Variants in ADCY7 observed in about 807,000 individuals in gnomAD.
ADCY7 encodes the protein adenylate cyclase 7.
In ADCY7, 72 loss-of-function variants were observed where a neutral mutation model predicts 120.6. The ratio of observed to expected loss-of-function variants is 0.60; its 90% confidence interval spans 0.49 to 0.73. The LOEUF is 0.73. Ranked by LOEUF, ADCY7 falls within the 30% of genes least tolerant of loss-of-function variation. The pLI is 0.00. For synonymous variants in ADCY7, 661 were observed against 628.0 expected, an observed-to-expected ratio of 1.05 and a Z score of -0.78; for missense variants, 1,227 against 1,486.0, an observed-to-expected ratio of 0.83 and a Z score of 2.87.
In ADCY7 at chr16:50,314,061, A is replaced by C. The variant is rs1313747148; in HGVS notation, c.2855A>C (p.Gln952Pro). The change falls in exon 23 of 26, where the codon CAG becomes CCG. Residue 952 changes from glutamine to proline, a missense_variant and splice_region_variant. By Grantham distance (76) the Gln-to-Pro change is moderately conservative. Coordinates refer to ENST00000673801, the MANE Select transcript of ADCY7 (RefSeq NM_001114.5). ...AGCGTCGCCTCAGGGCACGAGAACC[A>C]GGTACTCAAGCCCAAGAGGTGAAAT... ...GLSVASGHEN[Q>P]ELERQHAHIG... 6.2e-7 allele frequency: 1 copy of C among 1,613,402 alleles called. No individual in the cohort carries two copies. Among genetic ancestry groups the C allele is most frequent in the Non-Finnish European group, 8.5e-7 (1 of 1,179,422 alleles).
intron 1 of ADCY7, among the ~76,000 whole-genome samples, chr16:50,260,912 G>A (rs1008271211): frequency 2.6e-5 from 4 of 152,162 alleles, no homozygotes; most frequent in African/African-American, 4.8e-5. Context: ...TGGTTTCCAC[G>A]ATATTTTATT....
intron 18 of ADCY7, 193 bp from the exon 19 acceptor site, chr16:50,310,494 C>G (rs543890952): frequency 2.0e-6 from 3 of 1,537,090 alleles, no homozygotes; most frequent in African/African-American, 2.7e-5. Flanking sequence ...GAGCTCACTT[C>G]ATAAGAAATA....
At chr16:50,253,155 G>A (rs1207348735) in intron 1 of ADCY7, among the ~76,000 whole-genome samples, 3 of 152,296 alleles carry the variant, frequency 2.0e-5, no homozygotes, top group South Asian at 2.1e-4. Flanking sequence ...CAGCATTTTC[G>A]CAGTTAGAGA....
chr16:50,308,111 A>C (rs2036200277), intron 15 of ADCY7, among the ~76,000 whole-genome samples: 1 of 152,202 alleles, frequency 6.6e-6, no homozygotes, highest in African/African-American at 2.4e-5. Flanking sequence ...TTGGACCAAA[A>C]AGAGTGATAT....
chr16:50,312,940 G>A lies in ADCY7; in HGVS notation c.2655G>A (p.Val885=). 1.9e-6 allele frequency: 3 copies of A among 1,614,162 alleles called. No individual in the cohort carries two copies. The highest frequency in any genetic ancestry group is 1.7e-6 in the Non-Finnish European group (2 of 1,180,022). Residue 885 remains valine (V), a synonymous_variant, in exon 22 of 26, where the codon GTG becomes GTA. Transcript: ENST00000673801. The stretch of plus-strand genomic sequence containing the variant: ...GCGTCTGTGTCATGTTTGCCTCCGT[G>A]CCGGACTTCAAAGTGTTCTACACAG... ...YDCVCVMFAS[V]PDFKVFYTEC...
chr16:50,289,606 C>T (rs781554653), intron 2 of ADCY7, among the ~76,000 whole-genome samples: 5 of 152,236 alleles, frequency 3.3e-5, no homozygotes, highest in Non-Finnish European at 7.3e-5. Flanking sequence ...GCTGGGATTA[C>T]AGGCCCATGC....
intron 9 of ADCY7, 84 bp from the exon 10 acceptor site, chr16:50,300,998 C>T: frequency 1.9e-6 from 3 of 1,555,862 alleles, no homozygotes; most frequent in Non-Finnish European, 2.6e-6. Context: ...TGGCCTGGGG[C>T]CCAGGCCTGC....
In ADCY7 at chr16:50,311,807, C is replaced by CG. The variant is rs778423221; in HGVS notation, c.2448+21_2448+22insG. 5 of 1,332,908 alleles carry CG rather than the reference C, an allele frequency of 3.8e-6. 1 individual carries two copies. The highest frequency in any genetic ancestry group is 5.1e-6 in the Non-Finnish European group (5 of 980,350). 82.6% of individuals were successfully genotyped at this position (1,332,908 alleles called of 1,614,324 possible). On this transcript the variant is annotated intron_variant, in intron 20 of 25. Transcript: ENST00000673801. ...GACAGGTAAGGAGGCTGGCCCCCCCCCCCCCCCCAAGCTCTGCCCACTTTT... is the reference window on the plus strand; with the variant it reads ...GACAGGTAAGGAGGCTGGCCCCCCCCGCCCCCCCCAAGCTCTGCCCACTTTT...
At chr16:50,298,241 C>A (rs66470361) in intron 7 of ADCY7, among the ~76,000 whole-genome samples, 1 of 151,896 alleles carries the variant, frequency 6.6e-6, no homozygotes, top group Admixed American at 6.5e-5. Context: ...CCTCACCCCC[C>A]ACTCCTGCAG....
At chr16:50,290,242 C>T (rs546233610) in intron 2 of ADCY7, among the ~76,000 whole-genome samples, 6 of 152,306 alleles carry the variant, frequency 3.9e-5, no homozygotes, top group Non-Finnish European at 7.3e-5. Context: ...GGGTGATGCT[C>T]TGGTTCCCGA....
intron 7 of ADCY7, among the ~76,000 whole-genome samples, chr16:50,296,568 G>A (rs2035367677): frequency 6.6e-6 from 1 of 152,074 alleles, no homozygotes; most frequent in African/African-American, 2.4e-5. Context: ...ATGTTAGCCA[G>A]GATGGTCTTG....
intron 10 of ADCY7, among the ~76,000 whole-genome samples, chr16:50,303,042 G>C (rs1457059270): frequency 6.6e-6 from 1 of 152,262 alleles, no homozygotes; most frequent in African/African-American, 2.4e-5. Context: ...TGTTTGCTCA[G>C]AACTGAGGAA....
intron 22 of ADCY7, 110 bp downstream of exon 22, chr16:50,313,146 G>T: frequency 6.9e-7 from 1 of 1,448,168 alleles, no homozygotes; most frequent in Admixed American, 2.1e-5. Context: ...CACAGAGCTG[G>T]GCAAGGTGGT....
In ADCY7 at chr16:50,288,153, TAAC is replaced by T; in HGVS notation, c.-26_-24del. ...CCCTGGGGCCTCCTTAACGGCCCCTTAACGACACGCGTGCCAAGGGTGGAGGAT... is the reference window on the plus strand; with the variant it reads ...CCCTGGGGCCTCCTTAACGGCCCCTTGACACGCGTGCCAAGGGTGGAGGAT... On this transcript the variant is annotated 5_prime_UTR_variant, in exon 2 of 26. Transcript: ENST00000673801. The T allele has an allele frequency of 6.5e-7, 1 of 1,529,430 alleles. No individual in the cohort carries two copies. Among genetic ancestry groups the T allele is most frequent in the Non-Finnish European group, 8.8e-7 (1 of 1,134,592 alleles). 94.7% of individuals were successfully genotyped at this position (1,529,430 alleles called of 1,614,324 possible).
chr16:50,299,078 C>A (rs1310530256), intron 8 of ADCY7, 47 bp downstream of exon 8: 1 of 1,548,180 alleles, frequency 6.5e-7, no homozygotes, highest in Non-Finnish European at 8.7e-7. Flanking sequence ...CTGTGGCGGA[C>A]CCTCCTGGGC....
intron 1 of ADCY7, among the ~76,000 whole-genome samples, chr16:50,247,811 C>G (rs936964446): frequency 1.3e-5 from 2 of 152,146 alleles, no homozygotes; most frequent in Non-Finnish European, 2.9e-5. Context: ...TCTGCTCGTT[C>G]GGGATCCCCA....
intron 5 of ADCY7, 125 bp from the exon 6 acceptor site, chr16:50,293,229 C>T: frequency 9.2e-7 from 1 of 1,090,568 alleles, no homozygotes; most frequent in Non-Finnish European, 1.3e-6. Context: ...GCAGGGCAGG[C>T]AGGCAGGGAG....
chr16:50,254,150 C>T (rs1486744713), intron 1 of ADCY7, among the ~76,000 whole-genome samples: 1 of 152,128 alleles, frequency 6.6e-6, no homozygotes, highest in Non-Finnish European at 1.5e-5. Flanking sequence ...ATGGCAGATC[C>T]CAGAGTGCTT....
chr16:50,269,080 C>T (rs566661809), intron 1 of ADCY7, among the ~76,000 whole-genome samples: 2 of 152,154 alleles, frequency 1.3e-5, no homozygotes, highest in Admixed American at 6.5e-5. Flanking sequence ...AAGTCCGACT[C>T]GATGGTTGCA....
Sources: allele counts gnomAD v4.1 joint callset (sites outside exome capture counted in the v4.1 genomes callset), GRCh38; gene constraint gnomAD v4.1.1; transcripts MANE v1.5; gene names NCBI Gene and HGNC (gene_info 2026-07-23, HGNC 2026-07-21).